Variants in MBNL1 observed in about 807,000 individuals in gnomAD.
MBNL1 encodes muscleblind-like protein 1.
Under a neutral mutation model 42.2 loss-of-function variants are expected in MBNL1, and 8 were observed. The observed-to-expected ratio is 0.19, with a 90% CI of 0.11 to 0.34. The LOEUF (loss-of-function observed/expected upper bound fraction) is 0.34, where lower values mean the gene tolerates loss of function less well. MBNL1 is among the 10% of genes least tolerant of loss of function. The pLI is 1.00. For missense variants in MBNL1, 309 were observed against 495.3 expected, an observed-to-expected ratio of 0.62 and a Z score of 3.57; for synonymous variants, 169 against 173.9, an observed-to-expected ratio of 0.97 and a Z score of 0.22.
At chr3:152,317,810 A>T (rs1049137663) in intron 2 of MBNL1, among the ~76,000 whole-genome samples, 1 of 152,218 alleles carries the variant, frequency 6.6e-6, no homozygotes, top group African/African-American at 2.4e-5. Context: ...GTTCAAAAAG[A>T]CGATAAAGGA....
Position 152,299,846 on chromosome 3 carries a change from C to T in MBNL1, c.-348C>T. Reference sequence around the variant, plus strand: ...TCGAAGGGTCTGCCACGTTTTCATGCTTGCATTTTGGGCTCCAAATTGGCA... The same window carrying T: ...TCGAAGGGTCTGCCACGTTTTCATGTTTGCATTTTGGGCTCCAAATTGGCA... On this transcript the variant is annotated 5_prime_UTR_variant, in exon 2 of 10. Coordinates refer to ENST00000324210, the MANE Select transcript of MBNL1 (RefSeq NM_021038.5). 2 of 405,414 alleles carry T rather than the reference C, an allele frequency of 4.9e-6. No homozygotes were observed. Among genetic ancestry groups the T allele is most frequent in the Non-Finnish European group, 8.7e-6 (2 of 230,324 alleles). 25.1% of individuals were successfully genotyped at this position (405,414 alleles called of 1,614,324 possible). A position where few individuals can be genotyped will look rare whatever the true frequency, so the allele number is the denominator to read the frequency against.
At chr3:152,407,235 T>TA (rs2098454915) in intron 2 of MBNL1, among the ~76,000 whole-genome samples, 1 of 140,518 alleles carries the variant, frequency 7.1e-6, no homozygotes, top group South Asian at 2.3e-4. Context: ...TTTTTTTTTT[T>TA]AGTTTGTTTC....
chr3:152,268,987 C>G lies in MBNL1; in HGVS notation c.-895C>G, dbSNP rs2038231645. ...CCCACAATGCTCCCATGACAAGGAG[C>G]TGACAAGTTCCATTTTCCGTCGCGG... is the stretch of plus-strand genomic sequence containing the variant. On this transcript the variant is annotated 5_prime_UTR_variant, in exon 1 of 10. Transcript: ENST00000324210. 2.2e-6 allele frequency: 1 copy of G among 456,160 alleles called. No individual in the cohort carries two copies. The allele number at this position is 456,160 out of a possible 1,614,324, so 28.3% of individuals were successfully genotyped here.
chr3:152,314,922 G>A (rs890936749), intron 2 of MBNL1, among the ~76,000 whole-genome samples: 2 of 152,080 alleles, frequency 1.3e-5, no homozygotes, highest in African/African-American at 2.4e-5. Context: ...TGAGTTATGT[G>A]TTTACAGTTT....
intron 2 of MBNL1, among the ~76,000 whole-genome samples, chr3:152,259,564 TTGTC>T (rs1203509854): frequency 6.6e-6 from 1 of 152,196 alleles, no homozygotes; most frequent in South Asian, 2.1e-4. Flanking sequence ...CTGGCTAGCT[TTGTC>T]TGTAGATATC....
chr3:152,300,427 A>C, intron 2 of MBNL1, 60 bp downstream of exon 2: 1 of 1,376,532 alleles, frequency 7.3e-7, no homozygotes, highest in African/African-American at 1.4e-5. Flanking sequence ...GTATATGGAC[A>C]TACAGTTCTC....
At chr3:152,403,586 G>A (rs909081406) in intron 2 of MBNL1, among the ~76,000 whole-genome samples, 18 of 152,060 alleles carry the variant, frequency 1.2e-4, no homozygotes, top group Admixed American at 2.0e-4. Context: ...TAATTTTTAG[G>A]TAGTTTGTTG....
intron 4 of MBNL1, 81 bp downstream of exon 4, chr3:152,433,001 T>C (rs376218693): frequency 7.4e-6 from 10 of 1,359,052 alleles, no homozygotes; most frequent in Admixed American, 4.4e-5. Flanking sequence ...TGTGTTTCCA[T>C]GGCCAAAAAG....
rs915350222 is a variant in MBNL1, at chr3:152,465,261, A to G, written c.*2895A>G. The stretch of plus-strand genomic sequence containing the variant: ...TATATTATTCAGATCAGTTTCTGCC[A>G]ATTTCAGTGGTTTATTGTTCACAAA... On this transcript the variant is annotated 3_prime_UTR_variant, in exon 10 of 10. Transcript: ENST00000324210. 1 of 152,230 alleles carries G rather than the reference A, an allele frequency of 6.6e-6. No homozygotes were observed. Among genetic ancestry groups the G allele is most frequent in the African/African-American group, 2.4e-5 (1 of 41,460 alleles). 9.4% of individuals were successfully genotyped at this position (152,230 alleles called of 1,614,324 possible). A position where few individuals can be genotyped will look rare whatever the true frequency, so the allele number is the denominator to read the frequency against.
intron 4 of MBNL1, among the ~76,000 whole-genome samples, chr3:152,435,152 C>T (rs527832856): frequency 6.6e-6 from 1 of 151,730 alleles, no homozygotes; most frequent in East Asian, 1.9e-4. Flanking sequence ...AGGTTATCTT[C>T]CAGGGTTTTT....
intron 2 of MBNL1, among the ~76,000 whole-genome samples, chr3:152,399,658 CCTGT>C (rs1207472322): frequency 6.6e-6 from 1 of 151,964 alleles, no homozygotes; most frequent in East Asian, 1.9e-4. Flanking sequence ...TGCCACCACA[CCTGT>C]CTATTTTTTT....
intron 5 of MBNL1, 110 bp from the exon 6 acceptor site, chr3:152,447,510 C>T: frequency 1.8e-6 from 1 of 565,220 alleles, no homozygotes; most frequent in Non-Finnish European, 2.9e-6. Flanking sequence ...GTTAAGTGCT[C>T]TGCTGCTTGC....
At position 152,332,391 on chromosome 3, in the gene MBNL1, T is replaced by C. The variant is rs142387505; in HGVS notation, c.174+32024T>C. On this transcript the variant is annotated intron_variant, in intron 2 of 9. Transcript: ENST00000324210. ...TTGTTAGCCAAAGAGTAAATCAAGC[T>C]TATGTGGGTGCAATATATAACATGA... Among the ~76,000 whole-genome samples, 755 of 152,318 alleles carry C rather than the reference T, an allele frequency of 5.0e-3. 5 individuals carry two copies. Among genetic ancestry groups the C allele is most frequent in the African/African-American group, 0.017 (716 of 41,568 alleles).
intron 1 of MBNL1, among the ~76,000 whole-genome samples, chr3:152,287,163 C>G (rs1229770088): frequency 6.7e-6 from 1 of 148,552 alleles, no homozygotes; most frequent in South Asian, 2.1e-4. Context: ...TGCAGTGAGC[C>G]GAGATCACAC....
At chr3:152,458,091 C>CATCG in intron 8 of MBNL1, 1 of 1,580,662 alleles carries the variant, frequency 6.3e-7, no homozygotes, top group Non-Finnish European at 8.7e-7. Context: ...CCTTCATCTG[C>CATCG]ATCGATTGGT....
rs544392434 is a variant in MBNL1, at chr3:152,361,653, T to C, written c.175-53288T>C. Among the ~76,000 whole-genome samples the C allele has an allele frequency of 2.0e-5, 3 of 152,202 alleles. No individual in the cohort carries two copies. The East Asian group carries it at 5.8e-4, about 29-fold the overall frequency. ...GAGTTTAAAAGCTATGGTAAACCCA[T>C]GAATGATTCAGATGGATAATGATAG... On this transcript the variant is annotated intron_variant, in intron 2 of 9. Transcript: ENST00000324210.
In MBNL1 at chr3:152,361,154, G is replaced by A. The variant is rs544533171; in HGVS notation, c.175-53787G>A. On this transcript the variant is annotated intron_variant, in intron 2 of 9. Coordinates refer to ENST00000324210, the MANE Select transcript of MBNL1 (RefSeq NM_021038.5). ...GTCATCACTGATTCATCATTGATTCGTTCAGTCACCAGTTGTCTACTCTGT... is the reference window on the plus strand; with the variant it reads ...GTCATCACTGATTCATCATTGATTCATTCAGTCACCAGTTGTCTACTCTGT... Among the ~76,000 whole-genome samples, 69 of 152,094 alleles carry A rather than the reference G, an allele frequency of 4.5e-4. 2 individuals are homozygous for A. Among genetic ancestry groups the A allele is most frequent in the Admixed American group, 3.0e-3 (46 of 15,262 alleles).
intron 2 of MBNL1, among the ~76,000 whole-genome samples, chr3:152,244,983 T>A (rs976895988): frequency 7.9e-5 from 12 of 152,054 alleles, no homozygotes; most frequent in Non-Finnish European, 1.6e-4. Context: ...TTTAGAAAAA[T>A]TAATTTGTAG....
chr3:152,387,568 C>T (rs374488452), intron 2 of MBNL1, among the ~76,000 whole-genome samples: 1 of 152,058 alleles, frequency 6.6e-6, no homozygotes, highest in African/African-American at 2.4e-5. Flanking sequence ...TGCATAAATT[C>T]TGTAAAAGTG....
Sources: gnomAD v4.1 joint callset for allele counts (sites outside exome capture counted in the v4.1 genomes callset) on GRCh38, gnomAD v4.1.1 for gene constraint, MANE v1.5 for transcripts, NCBI Gene and HGNC (gene_info 2026-07-23, HGNC 2026-07-21) for gene names.